NAGPA: variants seen among roughly 807,000 people sequenced by gnomAD.
The protein encoded by NAGPA is N-acetylglucosamine-1-phosphodiester alpha-N-acetylglucosaminidase.
In NAGPA, 56 loss-of-function variants were observed where a neutral mutation model predicts 48.5. The observed-to-expected ratio is 1.15, with a 90% CI of 0.93 to 1.44. The LOEUF is 1.44. Among genes scored for constraint, NAGPA ranks in the 40% most tolerant of loss-of-function variants. The probability of loss-of-function intolerance (pLI) is 0.00; values close to 1 mark genes in which losing one functional copy is unlikely to be tolerated. For synonymous variants in NAGPA, 399 were observed against 315.5 expected (o/e 1.26, Z -2.81); for missense variants, 888 against 735.0 (o/e 1.21, Z -2.41).
In NAGPA at chr16:5,031,807, C is replaced by A. The variant is rs145897634; in HGVS notation, c.620G>T (p.Arg207Leu). Residue 207 changes from arginine to leucine, a missense_variant, in exon 3 of 10, where the codon CGT (arginine) becomes CTT (leucine). Coordinates refer to ENST00000312251, the MANE Select transcript of NAGPA (RefSeq NM_016256.4). ...QLLSGVVWLI[R>L]NGSIYINESQ... ...CTCGTTGATGTAGATGCTTCCATTA[C>A]GAATCAGCCACACGACCCCACTCAG... 3 of 1,614,008 alleles carry A rather than the reference C, an allele frequency of 1.9e-6. No homozygotes were observed. The highest frequency in any genetic ancestry group is 2.5e-6 in the Non-Finnish European group (3 of 1,180,026).
In NAGPA at chr16:5,031,796, T is replaced by C. The variant is rs1160230707; in HGVS notation, c.631A>G (p.Ile211Val). The change falls in exon 3 of 10, where the codon ATC becomes GTC. Residue 211 changes from isoleucine (I) to valine (V), a missense_variant. Physicochemically the swap from Ile to Val is conservative, Grantham distance 29. Transcript: ENST00000312251. The stretch of plus-strand genomic sequence containing the variant: ...GTGGCTTGGCTCTCGTTGATGTAGA[T>C]GCTTCCATTACGAATCAGCCACACG... ...GVVWLIRNGS[I>V]YINESQATEC... 2 of 1,614,220 alleles carry C rather than the reference T, an allele frequency of 1.2e-6. No homozygotes were observed. Among genetic ancestry groups the C allele is most frequent in the Non-Finnish European group, 1.7e-6 (2 of 1,180,026 alleles).
At chr16:5,031,968 C>G in intron 2 of NAGPA, 84 bp from the exon 3 acceptor site, 1 of 1,589,826 alleles carries the variant, frequency 6.3e-7, no homozygotes, top group Non-Finnish European at 8.6e-7. Context: ...CCATCCCAAC[C>G]TGGCTGCTAG....
Position 5,033,389 on chromosome 16 carries a change from G to C in NAGPA, c.426C>G (p.Arg142=). Residue 142 remains arginine (R), a synonymous_variant, in exon 2 of 10, where the codon CGC becomes CGG. Transcript: ENST00000312251. This position sits in a 1 kb window ranked among gnomAD's most constrained non-coding sequence, Gnocchi z 4.2. ...CRVAQNGGFF[R]MNSGECLGNV... The stretch of plus-strand genomic sequence containing the variant: ...TCCCCAGGCACTCGCCCGAGTTCAT[G>C]CGGAAGAAGCCGCCGTTCTGGGCGA... The C allele has an allele frequency of 1.3e-6, 2 of 1,596,948 alleles. No homozygotes were observed. The highest frequency in any genetic ancestry group is 1.7e-6 in the Non-Finnish European group (2 of 1,179,284).
rs1004784216 is a variant in NAGPA, at chr16:5,028,684, G to C, written c.920+196C>G. 7.2e-5 allele frequency: 57 copies of C among 790,698 alleles called. 1 individual carries two copies. The South Asian group carries it at 8.3e-4, about 12-fold the overall frequency. 49.0% of individuals were successfully genotyped at this position (790,698 alleles called of 1,614,324 possible). On this transcript the variant is annotated intron_variant, in intron 5 of 9. Transcript: ENST00000312251. ...TCAGTTCTTATTCTGTCATCCTCAG[G>C]GAGGTCTTTGCTGACCAACTGACCC...
rs377215950 is a variant in NAGPA at position 5,029,026 on chromosome 16, G to A, written c.792-18C>T. 210 of 1,611,748 alleles carry A rather than the reference G, an allele frequency of 1.3e-4. 1 individual carries two copies. The highest frequency in any genetic ancestry group is 8.3e-4 in the Middle Eastern group (5 of 6,036). Reference sequence around the variant, plus strand: ...GGTTGATGCTGCGGCACAAAGCGGCGCTGCTCAGGCTCAGCGCCCACCATC... The same window carrying A: ...GGTTGATGCTGCGGCACAAAGCGGCACTGCTCAGGCTCAGCGCCCACCATC... On this transcript the variant is annotated intron_variant, in intron 4 of 9. Transcript: ENST00000312251.
rs138461608 is a variant in NAGPA, at chr16:5,031,818, C to G, written c.609G>C (p.Val203=). 2 of 1,614,196 alleles carry G rather than the reference C, an allele frequency of 1.2e-6. No individual in the cohort carries two copies. The highest frequency in any genetic ancestry group is 1.7e-6 in the Non-Finnish European group (2 of 1,180,032). ...AGATGCTTCCATTACGAATCAGCCA[C>G]ACGACCCCACTCAGCAGCTGCACAA... ...NPFVQLLSGV[V]WLIRNGSIYI... is the part of the protein sequence containing the mutation. The change falls in exon 3 of 10, where the codon GTG becomes GTC. Residue 203 remains valine (V), a synonymous_variant. Transcript: ENST00000312251.
chr16:5,031,135 A>G, intron 3 of NAGPA: 1 of 169,652 alleles, frequency 5.9e-6, no homozygotes, highest in African/African-American at 2.4e-5. Context: ...AGGTCTCACT[A>G]TGTTGCCCAG....
Position 5,025,700 on chromosome 16 carries a change from G to C in NAGPA, c.1341-15C>G. ...GCCAGGCGGTCCTGCAGACAGGAGA[G>C]AAGCCCCAAGTGGGGGACTGCTGGG... On this transcript the variant is annotated splice_polypyrimidine_tract_variant and intron_variant, in intron 9 of 9. Transcript: ENST00000312251. The C allele has an allele frequency of 1.3e-6, 2 of 1,584,164 alleles. No homozygotes were observed. The highest frequency in any genetic ancestry group is 1.8e-5 in the Admixed American group (1 of 54,370).
At chr16:5,026,462 A>T (rs906214267) in intron 9 of NAGPA, among the ~76,000 whole-genome samples, 4 of 151,940 alleles carry the variant, frequency 2.6e-5, no homozygotes, top group African/African-American at 9.7e-5. Flanking sequence ...TGAACCCAGG[A>T]GGCGGAGGTT....
chr16:5,032,628 G>A (rs8057902), intron 2 of NAGPA, among the ~76,000 whole-genome samples: 14,577 of 151,866 alleles, frequency 0.096, 758 homozygotes, highest in Middle Eastern at 0.12. Flanking sequence ...GCAGTGAGCC[G>A]GTATCATGCC....
At chr16:5,026,622 T>A (rs1202700602) in intron 9 of NAGPA, among the ~76,000 whole-genome samples, 1 of 152,120 alleles carries the variant, frequency 6.6e-6, no homozygotes, top group African/African-American at 2.4e-5. Context: ...GTAAGCCAAA[T>A]AAAACACAGC....
At chr16:5,029,245 A>C (rs1010717273) in intron 4 of NAGPA, 61 of 590,584 alleles carry the variant, frequency 1.0e-4, no homozygotes, top group Non-Finnish European at 1.6e-4. Flanking sequence ...GGCCCGGAGG[A>C]TCTGGGTGCA....
At chr16:5,029,492 A>G (rs1318525906) in intron 4 of NAGPA, 1 of 236,262 alleles carries the variant, frequency 4.2e-6, no homozygotes, top group Non-Finnish European at 8.5e-6. Context: ...CCAACAACCT[A>G]AACAAGAGGA....
intron 4 of NAGPA, 152 bp from the exon 5 acceptor site, chr16:5,029,160 G>A: frequency 7.6e-7 from 1 of 1,319,436 alleles, no homozygotes; most frequent in Non-Finnish European, 1.1e-6. Flanking sequence ...CTAGCCCCCG[G>A]AAGCTGTGAA....
Position 5,031,769 on chromosome 16 carries a change from C to T in NAGPA, c.658G>A (p.Glu220Lys). Residue 220 changes from glutamate to lysine, a missense_variant, in exon 3 of 10, where the codon GAG becomes AAG. Coordinates refer to ENST00000312251, the MANE Select transcript of NAGPA (RefSeq NM_016256.4). ...SIYINESQAT[E>K]CDETQETGSF... Reference sequence around the variant, plus strand: ...CCTGTCTCCTGTGTCTCGTCACACTCTGTGGCTTGGCTCTCGTTGATGTAG... The same window carrying T: ...CCTGTCTCCTGTGTCTCGTCACACTTTGTGGCTTGGCTCTCGTTGATGTAG... The T allele has an allele frequency of 1.2e-6, 2 of 1,614,196 alleles. No homozygotes were observed. The highest frequency in any genetic ancestry group is 1.1e-5 in the South Asian group (1 of 91,090).
intron 5 of NAGPA, 145 bp downstream of exon 5, chr16:5,028,735 C>T: frequency 2.3e-6 from 3 of 1,289,086 alleles, no homozygotes; most frequent in Non-Finnish European, 3.3e-6. Flanking sequence ...GTAGTACTGG[C>T]ATCCTGGGGG....
chr16:5,027,971 C>T lies in NAGPA; in HGVS notation c.1126+9G>A. Reference sequence around the variant, plus strand: ...TGGGCAGAGCCCCCTCCCCAGAACCCCCACTCACTCTCCGTGCACAGTCCG... The same window carrying T: ...TGGGCAGAGCCCCCTCCCCAGAACCTCCACTCACTCTCCGTGCACAGTCCG... On this transcript the variant is annotated intron_variant, in intron 6 of 9. Coordinates refer to ENST00000312251, the MANE Select transcript of NAGPA (RefSeq NM_016256.4). 1 of 1,613,718 alleles carries T rather than the reference C, an allele frequency of 6.2e-7. No individual in the cohort carries two copies. The highest frequency in any genetic ancestry group is 8.5e-7 in the Non-Finnish European group (1 of 1,179,876).
chr16:5,028,633 C>T (rs1455017389), intron 5 of NAGPA: 6 of 607,684 alleles, frequency 9.9e-6, no homozygotes, highest in South Asian at 5.6e-5. Flanking sequence ...CTCCCACCCC[C>T]ACCCAGCTAC....
At chr16:5,026,468 A>G (rs1405689434) in intron 9 of NAGPA, among the ~76,000 whole-genome samples, 1 of 151,868 alleles carries the variant, frequency 6.6e-6, no homozygotes, top group Non-Finnish European at 1.5e-5. Context: ...CAGGAGGCGG[A>G]GGTTGTGGTG....
Sources: gnomAD v4.1 joint callset for allele counts (sites outside exome capture counted in the v4.1 genomes callset) on GRCh38, gnomAD v4.1.1 for gene constraint, Gnocchi (gnomAD v3.1) non-coding constraint, MANE v1.5 for transcripts, NCBI Gene and HGNC (gene_info 2026-07-23, HGNC 2026-07-21) for gene names.